The following IL1RAPL2 variants were observed in gnomAD, a reference collection of about 807,000 sequenced individuals.
IL1RAPL2 encodes X-linked interleukin-1 receptor accessory protein-like 2.
Under a neutral mutation model 44.1 loss-of-function variants are expected in IL1RAPL2, and 3 were observed. That is an observed-to-expected ratio of 0.07 (90% CI 0.03 to 0.18). IL1RAPL2 has a LOEUF of 0.18. Ranked by LOEUF, IL1RAPL2 falls within the 10% of genes least tolerant of loss-of-function variation. The probability of loss-of-function intolerance (pLI) is 1.00; values close to 1 mark genes in which losing one functional copy is unlikely to be tolerated. For missense variants in IL1RAPL2, 391 were observed against 496.4 expected (o/e 0.79, Z 2.02); for synonymous variants, 181 against 178.8 (o/e 1.01, Z -0.10).
At position 104,730,655 on chromosome X, in the gene IL1RAPL2, C is replaced by T. The variant is rs773327344; in HGVS notation, c.82+71660C>T. 3.4e-3 allele frequency among the ~76,000 whole-genome samples: 360 copies of T among 105,343 alleles called. 2 individuals carry two copies. Among genetic ancestry groups the T allele is most frequent in the African/African-American group, 0.012 (348 of 29,650 alleles). 91.5% of individuals were successfully genotyped at this position (105,343 alleles called of 115,157 possible). ...CATTTGGGTTGGTTCCAAGTCTTTG[C>T]TATTGTGAATAGTGTCGCAATAAAC... is the stretch of plus-strand genomic sequence containing the variant. On this transcript the variant is annotated intron_variant, in intron 2 of 10. Transcript: ENST00000372582.
rs111859393 is a variant in IL1RAPL2 at position 105,431,886 on chromosome X, T to G, written c.698-52427T>G. Among the ~76,000 whole-genome samples, 832 of 111,087 alleles carry G rather than the reference T, an allele frequency of 7.5e-3. 10 individuals are homozygous for G. Among genetic ancestry groups the G allele is most frequent in the African/African-American group, 0.025 (772 of 30,642 alleles). On this transcript the variant is annotated intron_variant, in intron 5 of 10. Transcript: ENST00000372582. ...GAAGAGAGACAGTGGAACAGAAATGTTGGTGCAAAGGGGGCCTTGCAAAAG... is the reference window on the plus strand; with the variant it reads ...GAAGAGAGACAGTGGAACAGAAATGGTGGTGCAAAGGGGGCCTTGCAAAAG...
At chrX:105,414,808 GT>G (rs1263970020) in intron 5 of IL1RAPL2, among the ~76,000 whole-genome samples, 1 of 112,165 alleles carries the variant, frequency 8.9e-6, no homozygotes, top group Non-Finnish European at 1.9e-5. Context: ...TAATGATAAA[GT>G]TTTTGTTTAT....
intron 7 of IL1RAPL2, among the ~76,000 whole-genome samples, chrX:105,718,328 A>G (rs987872906): frequency 8.9e-6 from 1 of 111,942 alleles, no homozygotes; most frequent in African/African-American, 3.2e-5. Flanking sequence ...ATAGAGCAGC[A>G]TAAATGAGAC....
intron 5 of IL1RAPL2, among the ~76,000 whole-genome samples, chrX:105,415,755 T>C (rs1336472615): frequency 1.8e-5 from 2 of 111,564 alleles, no homozygotes; most frequent in Non-Finnish European, 3.8e-5. Context: ...TTGTACTTAG[T>C]AGCACATTAC....
intron 5 of IL1RAPL2, among the ~76,000 whole-genome samples, chrX:105,352,069 C>T (rs749354641): frequency 1.8e-5 from 2 of 110,413 alleles, no homozygotes; most frequent in Admixed American, 1.9e-4. Context: ...ACTACAGGCT[C>T]ATGCCACCAC....
At chrX:105,400,016 G>A (rs780347926) in intron 5 of IL1RAPL2, among the ~76,000 whole-genome samples, 1 of 111,493 alleles carries the variant, frequency 9.0e-6, no homozygotes, top group South Asian at 3.7e-4. Flanking sequence ...AGTGAGAACA[G>A]TCTCCTGTGC....
chrX:105,466,241 T>C (rs745357013), intron 5 of IL1RAPL2, among the ~76,000 whole-genome samples: 24 of 98,490 alleles, frequency 2.4e-4, no homozygotes, highest in Non-Finnish European at 4.3e-4. Flanking sequence ...AATTTCAACC[T>C]TTTTTTTTTT....
At chrX:105,669,901 C>A (rs1374481394) in intron 6 of IL1RAPL2, among the ~76,000 whole-genome samples, 3 of 106,610 alleles carry the variant, frequency 2.8e-5, no homozygotes, top group African/African-American at 1.0e-4. Context: ...ACATTTAAGT[C>A]CTCAGTCCAT....
At chrX:105,528,846 T>C (rs1286650103) in intron 6 of IL1RAPL2, among the ~76,000 whole-genome samples, 2 of 111,429 alleles carry the variant, frequency 1.8e-5, no homozygotes, top group Non-Finnish European at 3.8e-5. Flanking sequence ...ATCCCAGTGA[T>C]ATCCTTAATA....
chrX:105,119,570 G>A (rs182427948), intron 2 of IL1RAPL2, among the ~76,000 whole-genome samples: 18 of 111,443 alleles, frequency 1.6e-4, no homozygotes, highest in Non-Finnish European at 2.8e-4. Flanking sequence ...GGCCCTAAAT[G>A]TTTTTGACCT....
At chrX:105,530,436 TTTTTTAA>T (rs1860190285) in intron 6 of IL1RAPL2, among the ~76,000 whole-genome samples, 1 of 111,198 alleles carries the variant, frequency 9.0e-6, no homozygotes, top group African/African-American at 3.3e-5. Flanking sequence ...TTACTTTTAA[TTTTTTAA>T]TTTTTAATTT....
chrX:105,614,779 TTGAG>T (rs1183962600), intron 6 of IL1RAPL2, among the ~76,000 whole-genome samples: 1 of 111,947 alleles, frequency 8.9e-6, no homozygotes, highest in Non-Finnish European at 1.9e-5. Flanking sequence ...CAAAGATTTC[TTGAG>T]TAATACCCCA....
At chrX:105,720,898 G>A (rs1196860821) in intron 7 of IL1RAPL2, among the ~76,000 whole-genome samples, 2 of 108,381 alleles carry the variant, frequency 1.8e-5, no homozygotes, top group African/African-American at 3.4e-5. Context: ...CCCAATTATC[G>A]ACATCTTAGG....
At chrX:105,053,376 T>C (rs904466407) in intron 2 of IL1RAPL2, among the ~76,000 whole-genome samples, 1 of 111,609 alleles carries the variant, frequency 9.0e-6, no homozygotes, top group African/African-American at 3.3e-5. Context: ...AGCCACTGTG[T>C]TTTGAGTGCT....
At chrX:105,097,887 A>G (rs1405927579) in intron 2 of IL1RAPL2, among the ~76,000 whole-genome samples, 2 of 111,353 alleles carry the variant, frequency 1.8e-5, no homozygotes, top group African/African-American at 6.5e-5. Context: ...ACAAGGTTTT[A>G]AAATTATTAA....
At chrX:105,567,797 C>T (rs913028218) in intron 6 of IL1RAPL2, among the ~76,000 whole-genome samples, 3 of 110,379 alleles carry the variant, frequency 2.7e-5, no homozygotes, top group Non-Finnish European at 3.8e-5. Flanking sequence ...ATTATTGGTG[C>T]CTTAGAAATT....
At position 105,016,955 on chromosome X, in the gene IL1RAPL2, TG is replaced by T. The variant is rs762864588; in HGVS notation, c.83-178518del. 7.0e-3 allele frequency among the ~76,000 whole-genome samples: 785 copies of T among 111,819 alleles called. 6 individuals carry two copies. The highest frequency in any genetic ancestry group is 0.024 in the African/African-American group (744 of 30,796). ...AATCTGTCCGGTCCTGGACATTTTTTGGTTGGTAGGCTATTAGTTACTGCCT... is the reference window on the plus strand; with the variant it reads ...AATCTGTCCGGTCCTGGACATTTTTTGTTGGTAGGCTATTAGTTACTGCCT... On this transcript the variant is annotated intron_variant, in intron 2 of 10. Coordinates refer to ENST00000372582, the MANE Select transcript of IL1RAPL2 (RefSeq NM_017416.2).
chrX:105,312,991 G>C (rs1027895365), intron 5 of IL1RAPL2, among the ~76,000 whole-genome samples: 1 of 111,505 alleles, frequency 9.0e-6, no homozygotes, highest in African/African-American at 3.3e-5. Flanking sequence ...TAAAATAATG[G>C]GAAAGTAGAA....
intron 6 of IL1RAPL2, among the ~76,000 whole-genome samples, chrX:105,514,749 T>G (rs752103633): frequency 9.0e-6 from 1 of 111,561 alleles, no homozygotes; most frequent in East Asian, 2.9e-4. Context: ...AGCAAAGAGT[T>G]AATAGAGGTT....
Sources: gnomAD v4.1 joint callset for allele counts (sites outside exome capture counted in the v4.1 genomes callset) on GRCh38, gnomAD v4.1.1 for gene constraint, MANE v1.5 for transcripts, NCBI Gene and HGNC (gene_info 2026-07-23, HGNC 2026-07-21) for gene names.